NCAM1: variants seen among roughly 807,000 people sequenced by gnomAD.
NCAM1 encodes neural cell adhesion molecule 1, also known as antigen recognized by monoclonal antibody 5.1H11.
In NCAM1, 14 loss-of-function variants were observed where a neutral mutation model predicts 109.8. The observed-to-expected ratio is 0.13, with a 90% CI of 0.08 to 0.20. NCAM1 has a LOEUF of 0.20. NCAM1 is among the 10% of genes least tolerant of loss of function. The probability of loss-of-function intolerance (pLI) is 1.00; values close to 1 mark genes in which losing one functional copy is unlikely to be tolerated. For missense variants in NCAM1, 774 were observed against 1,109.9 expected (o/e 0.70, Z 4.30); for synonymous variants, 418 against 442.9 (o/e 0.94, Z 0.70).
At chr11:113,186,236 G>C (rs1272602415) in intron 1 of NCAM1, among the ~76,000 whole-genome samples, 1 of 152,188 alleles carries the variant, frequency 6.6e-6, no homozygotes, top group Non-Finnish European at 1.5e-5. Flanking sequence ...GAGCATTACT[G>C]CCTGAGCTCT....
At chr11:113,272,161 G>A (rs1555125583) in intron 19 of NCAM1, among the ~76,000 whole-genome samples, 1 of 152,110 alleles carries the variant, frequency 6.6e-6, no homozygotes, top group East Asian at 1.9e-4. Flanking sequence ...TTCTGGAAAT[G>A]GCTTAAGGTG....
At chr11:113,147,442 C>G (rs1050019480) in intron 1 of NCAM1, among the ~76,000 whole-genome samples, 3 of 152,250 alleles carry the variant, frequency 2.0e-5, no homozygotes, top group African/African-American at 7.2e-5. Flanking sequence ...TCAGCGACAG[C>G]TGCTGAAAGC....
chr11:113,146,841 A>G (rs1367305628), intron 1 of NCAM1, among the ~76,000 whole-genome samples: 1 of 151,982 alleles, frequency 6.6e-6, no homozygotes, highest in Non-Finnish European at 1.5e-5. Flanking sequence ...ATCCCAGATA[A>G]TCAATATGGA....
chr11:113,100,645 A>T (rs75937502), intron 1 of NCAM1, among the ~76,000 whole-genome samples: 1 of 151,626 alleles, frequency 6.6e-6, no homozygotes, highest in African/African-American at 2.4e-5. Flanking sequence ...TTGACATTCA[A>T]TTGTTTCTGT....
intron 1 of NCAM1, among the ~76,000 whole-genome samples, chr11:113,083,294 T>C (rs1164328772): frequency 2.0e-5 from 3 of 152,264 alleles, no homozygotes; most frequent in Non-Finnish European, 1.5e-5. Flanking sequence ...TTTCAGAAAA[T>C]TTAATAACTG....
At chr11:113,084,914 A>G (rs2135711400) in intron 1 of NCAM1, among the ~76,000 whole-genome samples, 1 of 152,352 alleles carries the variant, frequency 6.6e-6, no homozygotes, top group South Asian at 2.1e-4. Context: ...GCTGACACAT[A>G]GTAAGCACTC....
intron 1 of NCAM1, among the ~76,000 whole-genome samples, chr11:113,193,594 A>G (rs1555110256): frequency 6.6e-6 from 1 of 152,166 alleles, no homozygotes; most frequent in African/African-American, 2.4e-5. Flanking sequence ...CAGAGGTTGC[A>G]GTGAAGCGAG....
intron 1 of NCAM1, among the ~76,000 whole-genome samples, chr11:113,099,289 G>A (rs1939752028): frequency 6.6e-6 from 1 of 152,090 alleles, no homozygotes. Flanking sequence ...AGAAATCAGA[G>A]ATAAAGAATA....
chr11:113,102,022 A>C (rs1939898384), intron 1 of NCAM1, among the ~76,000 whole-genome samples: 1 of 152,208 alleles, frequency 6.6e-6, no homozygotes. Flanking sequence ...TCCCCTAAGT[A>C]TGGGTTAATA....
Position 113,275,344 on chromosome 11 carries a change from C to T in NCAM1, c.2534C>T (p.Pro845Leu), listed in dbSNP as rs782756992. Residue 845 changes from proline to leucine, a missense_variant, in exon 20 of 20, where the codon CCC becomes CTC. Physicochemically the swap from Pro to Leu is moderately conservative, Grantham distance 98 (BLOSUM62 -3). Coordinates refer to ENST00000316851, the MANE Select transcript of NCAM1 (RefSeq NM_181351.5). ...KPAPAEVKTVPNDATQTKENE... is the reference protein window; with the variant it reads ...KPAPAEVKTVLNDATQTKENE... ...GCGCCAGCCGAAGTCAAGACGGTCC[C>T]CAATGACGCCACACAGACAAAGGAG... The T allele has an allele frequency of 3.1e-6, 5 of 1,613,330 alleles. No homozygotes were observed. In the African/African-American group the frequency reaches 6.7e-5, roughly 22 times the overall value.
At chr11:113,248,633 G>C (rs1308553907) in intron 15 of NCAM1, among the ~76,000 whole-genome samples, 1 of 151,974 alleles carries the variant, frequency 6.6e-6, no homozygotes, top group Non-Finnish European at 1.5e-5. Flanking sequence ...TGTCCACCTT[G>C]TACCCCCTCA....
At chr11:113,178,329 C>A (rs1943230730) in intron 1 of NCAM1, among the ~76,000 whole-genome samples, 1 of 152,160 alleles carries the variant, frequency 6.6e-6, no homozygotes, top group Non-Finnish European at 1.5e-5. Flanking sequence ...CACCACATCC[C>A]TGATGCATTA....
intron 1 of NCAM1, among the ~76,000 whole-genome samples, chr11:113,156,999 G>A (rs368112889): frequency 6.6e-6 from 1 of 152,092 alleles, no homozygotes; most frequent in Non-Finnish European, 1.5e-5. Context: ...GGGTTGCCCA[G>A]GACAGTCATG....
chr11:113,058,918 C>G (rs904144243), intron 1 of NCAM1, among the ~76,000 whole-genome samples: 1 of 152,216 alleles, frequency 6.6e-6, no homozygotes, highest in Non-Finnish European at 1.5e-5. Flanking sequence ...GGAAACATAA[C>G]TATGATGAAC....
chr11:113,271,926 C>A, intron 19 of NCAM1, 50 bp downstream of exon 19: 1 of 1,372,106 alleles, frequency 7.3e-7, no homozygotes, highest in Non-Finnish European at 1.0e-6. Flanking sequence ...ACCCCCACAC[C>A]CACCTCCCCA....
At chr11:113,210,134 G>A (rs960221418) in intron 7 of NCAM1, among the ~76,000 whole-genome samples, 3 of 152,082 alleles carry the variant, frequency 2.0e-5, no homozygotes, top group African/African-American at 7.2e-5. Flanking sequence ...AGGGAGATAA[G>A]CCTGGAAACA....
At chr11:113,068,679 T>C (rs565481919) in intron 1 of NCAM1, among the ~76,000 whole-genome samples, 1 of 152,162 alleles carries the variant, frequency 6.6e-6, no homozygotes, top group Non-Finnish European at 1.5e-5. Flanking sequence ...CAGAACATAT[T>C]GTGATGTAAA....
chr11:113,068,049 T>C (rs1017379966), intron 1 of NCAM1, among the ~76,000 whole-genome samples: 42 of 152,038 alleles, frequency 2.8e-4, no homozygotes, highest in African/African-American at 9.9e-4. Flanking sequence ...TAGCTGGGAC[T>C]ACGGGCACCC....
intron 1 of NCAM1, among the ~76,000 whole-genome samples, chr11:113,106,267 C>G (rs757882739): frequency 2.2e-4 from 34 of 152,248 alleles, no homozygotes; most frequent in Admixed American, 9.2e-4. Context: ...GGTTAGAGAT[C>G]CGAATTCTTT....
Sources: gnomAD v4.1 joint callset for allele counts (sites outside exome capture counted in the v4.1 genomes callset) on GRCh38, gnomAD v4.1.1 for gene constraint, MANE v1.5 for transcripts, NCBI Gene and HGNC (gene_info 2026-07-23, HGNC 2026-07-21) for gene names.